WWOX: variants seen among roughly 807,000 people sequenced by gnomAD.
WWOX encodes the protein WW domain containing oxidoreductase, also known as WW domain-containing oxidoreductase.
Under a neutral mutation model 46.2 loss-of-function variants are expected in WWOX, and 69 were observed. The ratio of observed to expected loss-of-function variants is 1.49; its 90% CI spans 1.23 to 1.82. The LOEUF is 1.82. Among genes scored for constraint, WWOX ranks in the 40% most tolerant of loss-of-function variants. The probability of loss-of-function intolerance (pLI) is 0.00; values close to 1 mark genes in which losing one functional copy is unlikely to be tolerated. For synonymous variants in WWOX, 359 were observed against 202.6 expected (o/e 1.77, Z -6.56); for missense variants, 919 against 542.6 (o/e 1.69, Z -6.89).
At position 78,522,268 on chromosome 16, in the gene WWOX, T is replaced by TA. The variant is rs894844514; in HGVS notation, c.1056+89527dup. On this transcript the variant is annotated intron_variant, in intron 8 of 8. Transcript: ENST00000566780. ...GGAGTTGAAAAATAAGGGTTAGGAT[T>TA]AAAAAAAAAAACTAGTGAAATCAAG... Among the ~76,000 whole-genome samples, 640 of 147,212 alleles carry TA rather than the reference T, an allele frequency of 4.3e-3. 4 individuals carry two copies. Among genetic ancestry groups the TA allele is most frequent in the Non-Finnish European group, 6.5e-3 (433 of 66,364 alleles).
intron 4 of WWOX, among the ~76,000 whole-genome samples, chr16:78,129,089 C>A (rs1271312579): frequency 6.6e-6 from 1 of 152,144 alleles, no homozygotes; most frequent in African/African-American, 2.4e-5. Context: ...ATCCTTTCAG[C>A]CTGAAAAGCT....
At chr16:78,730,451 C>A (rs781618406) in intron 8 of WWOX, among the ~76,000 whole-genome samples, 2 of 151,686 alleles carry the variant, frequency 1.3e-5, no homozygotes, top group Non-Finnish European at 2.9e-5. Flanking sequence ...AGGAGAAATA[C>A]ATCTTTTGTT....
chr16:78,479,024 G>C (rs1212713651), intron 8 of WWOX, among the ~76,000 whole-genome samples: 1 of 152,028 alleles, frequency 6.6e-6, no homozygotes, highest in Non-Finnish European at 1.5e-5. Context: ...ATGACTGTAG[G>C]AATCACCAAT....
chr16:78,148,458 C>G (rs1487024997), intron 4 of WWOX, among the ~76,000 whole-genome samples: 1 of 151,954 alleles, frequency 6.6e-6, no homozygotes, highest in Non-Finnish European at 1.5e-5. Context: ...AGAGCTGTGT[C>G]TTCTTGAGAA....
intron 8 of WWOX, among the ~76,000 whole-genome samples, chr16:78,507,922 T>A (rs1249967418): frequency 6.6e-6 from 1 of 152,086 alleles, no homozygotes; most frequent in African/African-American, 2.4e-5. Context: ...TTGTAAACTT[T>A]CTTAGAACAT....
chr16:79,152,546 C>A (rs552942024), intron 8 of WWOX, among the ~76,000 whole-genome samples: 1 of 152,160 alleles, frequency 6.6e-6, no homozygotes, highest in South Asian at 2.1e-4. Context: ...TGGCGTGTTC[C>A]TGTAGTCTCA....
intron 8 of WWOX, among the ~76,000 whole-genome samples, chr16:78,978,827 C>T (rs1247064759): frequency 6.6e-6 from 1 of 152,160 alleles, no homozygotes; most frequent in Admixed American, 6.5e-5. Flanking sequence ...GACTCAGTCA[C>T]CTCCCACCAG....
At chr16:78,969,192 C>A (rs978162160) in intron 8 of WWOX, among the ~76,000 whole-genome samples, 67 of 151,968 alleles carry the variant, frequency 4.4e-4, no homozygotes, top group Admixed American at 4.4e-3. Flanking sequence ...CAAACCCTAG[C>A]ATGCTCCTTT....
At position 78,913,673 on chromosome 16, in the gene WWOX, C is replaced by A. The variant is rs200848169; in HGVS notation, c.1057-297935C>A. The stretch of plus-strand genomic sequence containing the variant: ...CATACTGCTACAGTTTTTTTTTTTT[C>A]TTTTTAGTGACTGGGTCTTGCTATG... On this transcript the variant is annotated intron_variant, in intron 8 of 8. Transcript: ENST00000566780. 6.4e-5 allele frequency among the ~76,000 whole-genome samples: 9 copies of A among 141,100 alleles called. No homozygotes were observed. In the East Asian group the frequency reaches 1.9e-3, roughly 29 times the overall value. The allele number at this position is 141,100 out of a possible 152,430, so 92.6% of individuals were successfully genotyped here. A position where few individuals can be genotyped will look rare whatever the true frequency, so the allele number is the denominator to read the frequency against.
intron 8 of WWOX, among the ~76,000 whole-genome samples, chr16:79,168,939 C>G (rs984810413): frequency 6.6e-6 from 1 of 152,224 alleles, no homozygotes; most frequent in Non-Finnish European, 1.5e-5. Context: ...CTTATACAAA[C>G]TATCTCACTT....
intron 8 of WWOX, among the ~76,000 whole-genome samples, chr16:78,501,208 A>G (rs1197693862): frequency 2.3e-4 from 5 of 21,524 alleles, no homozygotes; most frequent in East Asian, 3.3e-3. Flanking sequence ...TTTTTTTTTG[A>G]AAAACTTTTT....
At chr16:78,647,647 G>A (rs1379266468) in intron 8 of WWOX, among the ~76,000 whole-genome samples, 1 of 152,190 alleles carries the variant, frequency 6.6e-6, no homozygotes, top group Non-Finnish European at 1.5e-5. Context: ...ACTGAGTGCT[G>A]ACAGGCACAT....
chr16:79,097,530 C>T (rs910969915), intron 8 of WWOX, among the ~76,000 whole-genome samples: 3 of 152,122 alleles, frequency 2.0e-5, no homozygotes, highest in African/African-American at 7.2e-5. Context: ...GCTCCACATG[C>T]TTTCTAATGT....
At chr16:78,126,456 C>T (rs1034008988) in intron 4 of WWOX, among the ~76,000 whole-genome samples, 1 of 152,274 alleles carries the variant, frequency 6.6e-6, no homozygotes, top group Admixed American at 6.5e-5. Flanking sequence ...GATTGATAGG[C>T]TTTTCTTATG....
chr16:78,517,882 T>C (rs1359810991), intron 8 of WWOX, among the ~76,000 whole-genome samples: 1 of 132,944 alleles, frequency 7.5e-6, no homozygotes, highest in African/African-American at 2.8e-5. Flanking sequence ...TTTTTTTTAC[T>C]CTGAATGTGT....
rs191245353 is a variant in WWOX, at chr16:78,346,787, C to T, written c.517-40073C>T. 1.2e-3 allele frequency among the ~76,000 whole-genome samples: 141 copies of T among 120,774 alleles called. 35 individuals carry two copies. The highest frequency in any genetic ancestry group is 3.8e-3 in the African/African-American group (137 of 35,714). The allele number at this position is 120,774 out of a possible 152,430, so 79.2% of individuals were successfully genotyped here. A position where few individuals can be genotyped will look rare whatever the true frequency, so the allele number is the denominator to read the frequency against. On this transcript the variant is annotated intron_variant, in intron 5 of 8. Coordinates refer to ENST00000566780, the MANE Select transcript of WWOX (RefSeq NM_016373.4). ...TGGTGTGATCTTGGTTTACTGCAAC[C>T]TCTGCCTACTGGGTTCAAGCGATTT...
chr16:79,188,846 G>A (rs1203467734), intron 8 of WWOX, among the ~76,000 whole-genome samples: 1 of 152,190 alleles, frequency 6.6e-6, no homozygotes, highest in African/African-American at 2.4e-5. Context: ...TTGCATTTCT[G>A]TGGCGCCAAG....
chr16:78,773,652 C>A (rs2065203079), intron 8 of WWOX, among the ~76,000 whole-genome samples: 1 of 152,182 alleles, frequency 6.6e-6, no homozygotes, highest in African/African-American at 2.4e-5. Context: ...CCGCTACTCA[C>A]TGGATAGTGT....
At chr16:78,720,780 A>G (rs2048670663) in intron 8 of WWOX, among the ~76,000 whole-genome samples, 1 of 152,140 alleles carries the variant, frequency 6.6e-6, no homozygotes, top group African/African-American at 2.4e-5. Flanking sequence ...AAACTCTATT[A>G]TACAAGCAGT....
Sources: gnomAD v4.1 joint callset for allele counts (sites outside exome capture counted in the v4.1 genomes callset) on GRCh38, gnomAD v4.1.1 for gene constraint, MANE v1.5 for transcripts, NCBI Gene and HGNC (gene_info 2026-07-23, HGNC 2026-07-21) for gene names.